Variants in SLC28A3 observed in about 807,000 individuals in gnomAD.
The protein encoded by SLC28A3 is solute carrier family 28 member 3.
Under a neutral mutation model 84.2 loss-of-function variants are expected in SLC28A3, and 68 were observed. That is an observed-to-expected ratio of 0.81 (90% CI 0.66 to 0.99). The LOEUF (loss-of-function observed/expected upper bound fraction) is 0.99. Among genes scored for constraint, SLC28A3 ranks in the 50% least tolerant of loss-of-function variants. The pLI is 0.00. For synonymous variants in SLC28A3, 267 were observed against 303.6 expected (o/e 0.88, Z 1.25); for missense variants, 712 against 841.5 (o/e 0.85, Z 1.90).
rs1029931146 is a variant in SLC28A3 at position 84,297,287 on chromosome 9, C to T, written c.795G>A (p.Glu265=). The part of the protein sequence containing the change: ...WLGRQVQTFL[E]YTDAGASFVF... ...CAAATGAAGCACCAGCATCTGTGTA[C>T]TCCAGAAAAGTCTGAGTTAAAGAAA... Residue 265 remains glutamate (E), a synonymous_variant, in exon 8 of 18, where the codon GAG becomes GAA. Coordinates refer to ENST00000376238, the MANE Select transcript of SLC28A3 (RefSeq NM_001199633.2). 3.1e-6 allele frequency: 5 copies of T among 1,612,156 alleles called. No individual in the cohort carries two copies. The highest frequency in any genetic ancestry group is 3.3e-5 in the Admixed American group (2 of 59,706).
the SLC28A3 span, among the ~76,000 whole-genome samples, chr9:84,359,525 T>A: frequency 6.6e-6 from 1 of 152,130 alleles, no homozygotes; most frequent in Non-Finnish European, 1.5e-5. Context: ...ATTGAGGCAA[T>A]AAAAGGTACA....
chr9:84,279,887 G>A, intron 16 of SLC28A3, 88 bp downstream of exon 16: 1 of 1,270,340 alleles, frequency 7.9e-7, no homozygotes, highest in East Asian at 2.5e-5. Flanking sequence ...GGCAGCGTGT[G>A]CTGCACATGC....
At chr9:84,303,565 C>T (rs943118650) in intron 4 of SLC28A3, among the ~76,000 whole-genome samples, 3 of 152,166 alleles carry the variant, frequency 2.0e-5, no homozygotes, top group African/African-American at 7.2e-5. Context: ...GGTGATCCAC[C>T]CACCTCGGCC....
intron 6 of SLC28A3, among the ~76,000 whole-genome samples, chr9:84,299,124 C>T (rs990466752): frequency 2.0e-5 from 3 of 152,090 alleles, no homozygotes; most frequent in African/African-American, 7.2e-5. Context: ...TACCAGTGGA[C>T]AGAACTAGGA....
rs758378942 is a variant in SLC28A3, at chr9:84,285,329, T to G, written c.1647+16A>C. 8.1e-6 allele frequency: 13 copies of G among 1,611,554 alleles called. No individual in the cohort carries two copies. The South Asian group carries it at 1.4e-4, about 18-fold the overall frequency. On this transcript the variant is annotated intron_variant, in intron 14 of 17. Transcript: ENST00000376238. ...GTGATGAAGAAATGTACTGAGAAAT[T>G]AAAATATTTACTCACTGATATATAT...
intron 1 of SLC28A3, among the ~76,000 whole-genome samples, chr9:84,327,925 C>A (rs933745055): frequency 2.3e-3 from 243 of 107,216 alleles, no homozygotes; most frequent in South Asian, 2.6e-3. Flanking sequence ...GACTCCATTT[C>A]AAAAAAAAAA....
the SLC28A3 span, among the ~76,000 whole-genome samples, chr9:84,357,117 C>T: frequency 6.6e-6 from 1 of 152,116 alleles, no homozygotes; most frequent in Admixed American, 6.6e-5. Context: ...TTGTTTTATT[C>T]ATTGACACAG....
intron 1 of SLC28A3, among the ~76,000 whole-genome samples, chr9:84,334,847 C>T (rs1161901922): frequency 2.6e-5 from 4 of 152,102 alleles, no homozygotes; most frequent in Admixed American, 6.6e-5. Context: ...CAAGTGAACC[C>T]GTGGCCTCAC....
intron 6 of SLC28A3, among the ~76,000 whole-genome samples, chr9:84,298,799 C>T (rs570374878): frequency 4.6e-5 from 7 of 152,286 alleles, no homozygotes; most frequent in Admixed American, 6.5e-5. Flanking sequence ...TGTCAAGAGG[C>T]TCTCATTTCA....
At chr9:84,357,895 G>T in the SLC28A3 span, among the ~76,000 whole-genome samples, 2 of 152,116 alleles carry the variant, frequency 1.3e-5, no homozygotes. Context: ...GGAACAAAAG[G>T]CAGGTCTAGA....
chr9:84,277,924 T>G lies in SLC28A3; in HGVS notation c.*294A>C, dbSNP rs1037927919. 9 of 349,634 alleles carry G rather than the reference T, an allele frequency of 2.6e-5. No homozygotes were observed. The highest frequency in any genetic ancestry group is 1.7e-4 in the African/African-American group (8 of 48,386). The allele number at this position is 349,634 out of a possible 1,614,324, so 21.7% of individuals were successfully genotyped here. ...GCGGCCGTTTATAGCTGTATTCTGG[T>G]GAAATGCCTTGCAAACATTAAAGTC... On this transcript the variant is annotated 3_prime_UTR_variant, in exon 18 of 18. Coordinates refer to ENST00000376238, the MANE Select transcript of SLC28A3 (RefSeq NM_001199633.2).
chr9:84,340,848 A>T (rs1381077976), upstream of SLC28A3, among the ~76,000 whole-genome samples: 3 of 152,058 alleles, frequency 2.0e-5, no homozygotes, highest in African/African-American at 7.2e-5. Flanking sequence ...GGGTGGAGGC[A>T]TCTAGTGCTG....
Position 84,280,883 on chromosome 9 carries a change from C to A in SLC28A3, c.1648-1G>T, listed in dbSNP as rs1425064914. 2.5e-6 allele frequency: 4 copies of A among 1,613,874 alleles called. No homozygotes were observed. Among genetic ancestry groups the A allele is most frequent in the Non-Finnish European group, 3.4e-6 (4 of 1,179,964 alleles). ...AAGTGGCGATTATCTCAGAACGAATCTGTAAGCAAGCATAAACACATATGT... is the reference window on the plus strand; with the variant it reads ...AAGTGGCGATTATCTCAGAACGAATATGTAAGCAAGCATAAACACATATGT... On this transcript the variant is annotated splice_acceptor_variant, in intron 14 of 17. Coordinates refer to ENST00000376238, the MANE Select transcript of SLC28A3 (RefSeq NM_001199633.2). LOFTEE classifies it high-confidence loss of function.
At chr9:84,320,043 T>TTTTTTTG (rs1564170334) in intron 1 of SLC28A3, among the ~76,000 whole-genome samples, 4 of 87,510 alleles carry the variant, frequency 4.6e-5, no homozygotes, top group African/African-American at 1.7e-4. Context: ...TTGCACTGTT[T>TTTTTTTG]TTTTTTTTTT....
At chr9:84,279,098 T>C (rs532492866) in intron 17 of SLC28A3, among the ~76,000 whole-genome samples, 167 bp downstream of exon 17, 1 of 143,800 alleles carries the variant, frequency 7.0e-6, no homozygotes, top group South Asian at 2.1e-4. Flanking sequence ...CATAAAGTTA[T>C]AAAATTAAGT....
chr9:84,345,753 A>G (rs1029256150), upstream of SLC28A3, among the ~76,000 whole-genome samples: 2 of 152,194 alleles, frequency 1.3e-5, no homozygotes, highest in Non-Finnish European at 2.9e-5. Context: ...TGCCAAAACA[A>G]TGGTCATATC....
chr9:84,304,171 G>T (rs1825717473), intron 4 of SLC28A3, among the ~76,000 whole-genome samples: 2 of 152,204 alleles, frequency 1.3e-5, no homozygotes, highest in Admixed American at 6.5e-5. Context: ...ATTGTTTATG[G>T]TTGCTTTGTT....
At chr9:84,301,224 ATGGGAGGCTGAGCTATT>A (rs1195633206) in intron 5 of SLC28A3, among the ~76,000 whole-genome samples, 1 of 151,398 alleles carries the variant, frequency 6.6e-6, no homozygotes, top group East Asian at 1.9e-4. Flanking sequence ...ATGGCGGTAC[ATGGGAGGCTGAGCTATT>A]TGGGAGGCTG....
chr9:84,303,401 A>G (rs1422168740), intron 4 of SLC28A3, among the ~76,000 whole-genome samples: 1 of 152,018 alleles, frequency 6.6e-6, no homozygotes, highest in Admixed American at 6.6e-5. Context: ...GCTCACTGCA[A>G]CCTCCACCTC....
Sources: allele counts gnomAD v4.1 joint callset (sites outside exome capture counted in the v4.1 genomes callset), GRCh38; gene constraint gnomAD v4.1.1; transcripts MANE v1.5; gene names NCBI Gene and HGNC (gene_info 2026-07-23, HGNC 2026-07-21).